Variants in FRMD5 observed in about 807,000 individuals in gnomAD.
FRMD5 encodes the protein FERM domain-containing protein 5.
FRMD5 carries 20 observed loss-of-function variants against 69.0 expected under a neutral mutation model. The observed-to-expected ratio is 0.29, with a 90% CI of 0.20 to 0.42. The LOEUF (loss-of-function observed/expected upper bound fraction) is 0.42. Among genes scored for constraint, FRMD5 ranks in the 10% least tolerant of loss-of-function variants. FRMD5 has a pLI of 1.00. For synonymous variants in FRMD5, 271 were observed against 260.1 expected, an observed-to-expected ratio of 1.04 and a Z score of -0.40; for missense variants, 595 against 708.6, an observed-to-expected ratio of 0.84 and a Z score of 1.82.
At position 44,150,328 on chromosome 15, in the gene FRMD5, A is replaced by G. The variant is rs772132620; in HGVS notation, c.102+44625T>C. Reference sequence around the variant, plus strand: ...CAAAGAGATTATGCAAGAATAAGAAATAAGTCATAGAAGTTAGAAAGGAAG... The same window carrying G: ...CAAAGAGATTATGCAAGAATAAGAAGTAAGTCATAGAAGTTAGAAAGGAAG... On this transcript the variant is annotated intron_variant, in intron 1 of 13. Coordinates refer to ENST00000417257, the MANE Select transcript of FRMD5 (RefSeq NM_032892.5). Among the ~76,000 whole-genome samples the G allele has an allele frequency of 7.7e-4, 118 of 152,302 alleles. 1 individual carries two copies. The Middle Eastern group carries it at 0.017, about 22-fold the overall frequency.
intron 1 of FRMD5, among the ~76,000 whole-genome samples, chr15:44,157,436 T>C (rs571830913): frequency 1.3e-5 from 2 of 152,316 alleles, no homozygotes; most frequent in South Asian, 4.1e-4. Flanking sequence ...GCCTAATAGA[T>C]GTCTAAATTA....
chr15:44,186,609 G>A (rs2078106756), intron 1 of FRMD5, among the ~76,000 whole-genome samples: 1 of 152,176 alleles, frequency 6.6e-6, no homozygotes, highest in Admixed American at 6.5e-5. Flanking sequence ...TCAGGTCTTG[G>A]GCCTGTGGGC....
At chr15:43,946,270 G>A (rs185775409) in intron 1 of FRMD5, among the ~76,000 whole-genome samples, 4 of 152,276 alleles carry the variant, frequency 2.6e-5, no homozygotes, top group African/African-American at 9.6e-5. Context: ...GCAACTACAG[G>A]ATTCTTCTTC....
intron 1 of FRMD5, among the ~76,000 whole-genome samples, chr15:44,096,592 G>A (rs1450896898): frequency 1.3e-5 from 2 of 151,814 alleles, no homozygotes; most frequent in African/African-American, 4.8e-5. Flanking sequence ...TAATAGAGAC[G>A]AGGTTTCACC....
At chr15:44,137,301 C>A (rs1415106919) in intron 1 of FRMD5, among the ~76,000 whole-genome samples, 1 of 152,204 alleles carries the variant, frequency 6.6e-6, no homozygotes, top group Non-Finnish European at 1.5e-5. Flanking sequence ...GAACATACTG[C>A]CTTAGCTTCA....
chr15:44,074,402 G>A (rs1389764164), intron 1 of FRMD5, among the ~76,000 whole-genome samples: 4 of 151,856 alleles, frequency 2.6e-5, no homozygotes, highest in Non-Finnish European at 2.9e-5. Context: ...TTAATCAATA[G>A]AGAATAATAA....
chr15:44,152,524 A>G (rs1302278027), intron 1 of FRMD5, among the ~76,000 whole-genome samples: 5 of 152,240 alleles, frequency 3.3e-5, no homozygotes, highest in Non-Finnish European at 7.3e-5. Context: ...ATTTTATTAG[A>G]AACCACCAAA....
At chr15:43,874,970 C>G (rs766463504) in intron 13 of FRMD5, among the ~76,000 whole-genome samples, 1 of 150,514 alleles carries the variant, frequency 6.6e-6, no homozygotes, top group Non-Finnish European at 1.5e-5. Context: ...GAGGCCAAGG[C>G]GGGCGGATCA....
chr15:44,141,237 A>G (rs1168643292), intron 1 of FRMD5, among the ~76,000 whole-genome samples: 1 of 152,214 alleles, frequency 6.6e-6, no homozygotes, highest in African/African-American at 2.4e-5. Flanking sequence ...AAAAAAATCA[A>G]TATTCTACAA....
chr15:44,152,328 T>C (rs1293778655), intron 1 of FRMD5, among the ~76,000 whole-genome samples: 1 of 152,226 alleles, frequency 6.6e-6, no homozygotes, highest in East Asian at 1.9e-4. Context: ...ATCTAGGTTG[T>C]TATATGTATC....
intron 1 of FRMD5, among the ~76,000 whole-genome samples, chr15:44,137,512 G>A (rs991651456): frequency 1.4e-4 from 21 of 152,028 alleles, no homozygotes; most frequent in African/African-American, 4.6e-4. Context: ...TAATGGAATC[G>A]GAATCATATC....
chr15:44,174,170 C>A (rs1343270948), intron 1 of FRMD5, among the ~76,000 whole-genome samples: 1 of 152,044 alleles, frequency 6.6e-6, no homozygotes, highest in Non-Finnish European at 1.5e-5. Context: ...CTCATCAGTC[C>A]CAAAGCCAAT....
intron 1 of FRMD5, among the ~76,000 whole-genome samples, chr15:44,067,941 T>C (rs1413853729): frequency 6.6e-6 from 1 of 152,184 alleles, no homozygotes; most frequent in Non-Finnish European, 1.5e-5. Flanking sequence ...CAGATATTTC[T>C]TCAAGTAAAT....
At chr15:44,134,598 G>A (rs951865512) in intron 1 of FRMD5, among the ~76,000 whole-genome samples, 2 of 152,046 alleles carry the variant, frequency 1.3e-5, no homozygotes, top group Admixed American at 1.3e-4. Flanking sequence ...ACAGGCGCGC[G>A]CCACTATCGT....
At chr15:44,092,809 T>C (rs1025998031) in intron 1 of FRMD5, among the ~76,000 whole-genome samples, 11 of 152,128 alleles carry the variant, frequency 7.2e-5, no homozygotes, top group African/African-American at 2.7e-4. Flanking sequence ...TAAAGTGAAA[T>C]GTCCTTCATA....
intron 4 of FRMD5, among the ~76,000 whole-genome samples, chr15:43,910,767 T>A (rs772706673): frequency 3.3e-5 from 5 of 152,164 alleles, no homozygotes; most frequent in African/African-American, 4.8e-5. Context: ...CCAGTCCAGG[T>A]GTTACACACT....
At chr15:44,178,518 G>T (rs1226441942) in intron 1 of FRMD5, among the ~76,000 whole-genome samples, 1 of 152,136 alleles carries the variant, frequency 6.6e-6, no homozygotes, top group African/African-American at 2.4e-5. Flanking sequence ...GCCGATGACA[G>T]AATGACAATA....
At chr15:44,001,788 T>C (rs1017643166) in intron 1 of FRMD5, among the ~76,000 whole-genome samples, 15 of 151,940 alleles carry the variant, frequency 9.9e-5, no homozygotes, top group Non-Finnish European at 1.9e-4. Flanking sequence ...TTTGTATTTT[T>C]TGTAAAAATG....
chr15:43,980,367 G>C (rs1479113308), intron 1 of FRMD5, among the ~76,000 whole-genome samples: 2 of 152,302 alleles, frequency 1.3e-5, no homozygotes, highest in East Asian at 3.9e-4. Flanking sequence ...ATTGCTATTA[G>C]AAAGTTAGTA....
Sources: allele counts gnomAD v4.1 joint callset (sites outside exome capture counted in the v4.1 genomes callset), GRCh38; gene constraint gnomAD v4.1.1; transcripts MANE v1.5; gene names NCBI Gene and HGNC (gene_info 2026-07-23, HGNC 2026-07-21).